Variants in UGT1A8 observed in about 807,000 individuals in gnomAD.
UGT1A8 encodes the protein UDP glucuronosyltransferase family 1 member A8, also known as UDP-glucuronosyltransferase 1A8.
In UGT1A8, 39 loss-of-function variants were observed where a neutral mutation model predicts 45.3. That is an observed-to-expected ratio of 0.86 (90% CI 0.67 to 1.12). The LOEUF (loss-of-function observed/expected upper bound fraction) is 1.12. Ranked by LOEUF, UGT1A8 falls within the 50% of genes most tolerant of loss-of-function variation. The probability of loss-of-function intolerance (pLI) is 0.00; values close to 1 mark genes in which losing one functional copy is unlikely to be tolerated. For synonymous variants in UGT1A8, 275 were observed against 249.2 expected, an observed-to-expected ratio of 1.10 and a Z score of -0.97; for missense variants, 719 against 664.9, an observed-to-expected ratio of 1.08 and a Z score of -0.90.
intron 1 of UGT1A8, chr2:233,713,821 G>C: frequency 1.2e-6 from 2 of 1,614,060 alleles, no homozygotes; most frequent in Non-Finnish European, 1.7e-6. Flanking sequence ...GTCTTCATTG[G>C]GGGCATCAAC....
intron 1 of UGT1A8, chr2:233,713,939 T>G: frequency 6.2e-7 from 1 of 1,610,264 alleles, no homozygotes; most frequent in Non-Finnish European, 8.5e-7. Context: ...AGTGCTTCCA[T>G]ATCTACTTAT....
chr2:233,767,666 C>T (rs143192680), intron 2 of UGT1A8, among the ~76,000 whole-genome samples, 183 bp from the exon 3 acceptor site: 1 of 152,190 alleles, frequency 6.6e-6, no homozygotes, highest in East Asian at 1.9e-4. Flanking sequence ...ACCCTTGTAA[C>T]TAAACCTCCA....
chr2:233,679,187 T>C (rs1239958133), intron 1 of UGT1A8, among the ~76,000 whole-genome samples: 3 of 152,200 alleles, frequency 2.0e-5, no homozygotes, highest in Admixed American at 6.5e-5. Context: ...TTTTGACACC[T>C]TCAGTGTTGA....
At chr2:233,651,182 T>C (rs2073730387) in intron 1 of UGT1A8, among the ~76,000 whole-genome samples, 1 of 152,156 alleles carries the variant, frequency 6.6e-6, no homozygotes, top group Admixed American at 6.5e-5. Context: ...TTTACCCTCC[T>C]TCAGTTACAG....
chr2:233,672,835 A>G, intron 1 of UGT1A8: 2 of 1,557,124 alleles, frequency 1.3e-6, no homozygotes, highest in Non-Finnish European at 1.7e-6. Context: ...TCACCTTTGG[A>G]AATTAAAAAA....
intron 1 of UGT1A8, among the ~76,000 whole-genome samples, chr2:233,732,961 T>G (rs2078342665): frequency 6.6e-6 from 1 of 152,188 alleles, no homozygotes; most frequent in Non-Finnish European, 1.5e-5. Context: ...GTTCTTCCAT[T>G]TGTTTGTGTC....
In UGT1A8 at chr2:233,772,428, G is replaced by A. The variant is rs747543462; in HGVS notation, c.1462G>A (p.Val488Met). The change falls in exon 5 of 5, where the codon GTG becomes ATG. Residue 488 changes from valine (V) to methionine (M), a missense_variant. Coordinates refer to ENST00000373450, the MANE Select transcript of UGT1A8 (RefSeq NM_019076.5). ...CTGGTACCAGTACCATTCCTTGGAC[G>A]TGATTGGTTTCCTCTTGGCCGTCGT... The part of the protein sequence containing the change: ...LTWYQYHSLD[V>M]IGFLLAVVLT... 9 of 1,614,096 alleles carry A rather than the reference G, an allele frequency of 5.6e-6. No homozygotes were observed. The highest frequency in any genetic ancestry group is 3.3e-5 in the Admixed American group (2 of 60,006).
intron 1 of UGT1A8, chr2:233,648,799 C>T: frequency 1.1e-6 from 1 of 930,530 alleles, no homozygotes; most frequent in East Asian, 3.8e-5. Context: ...AGTAAGGAAC[C>T]ACATCTTCTA....
intron 1 of UGT1A8, among the ~76,000 whole-genome samples, chr2:233,634,563 T>C (rs554150833): frequency 7.2e-5 from 11 of 152,356 alleles, no homozygotes; most frequent in African/African-American, 2.4e-4. Context: ...TATAATGCCC[T>C]TCTTTGTCTT....
At position 233,718,952 on chromosome 2, in the gene UGT1A8, G is replaced by A. The variant is rs773069421; in HGVS notation, c.856-48082G>A. The stretch of plus-strand genomic sequence containing the variant: ...CTGATGGCAGCCCCTGGCTCAGCAT[G>A]CGGGAGGCCTTGCGGGAGCTCCATG... On this transcript the variant is annotated intron_variant, in intron 1 of 4. Transcript: ENST00000373450. 25 of 1,614,082 alleles carry A rather than the reference G, an allele frequency of 1.5e-5. No homozygotes were observed. In the Admixed American group the frequency reaches 2.2e-4, roughly 14 times the overall value.
chr2:233,711,832 G>A (rs536118368), intron 1 of UGT1A8, among the ~76,000 whole-genome samples: 12 of 152,322 alleles, frequency 7.9e-5, no homozygotes, highest in Non-Finnish European at 1.8e-4. Context: ...AGGACAAGGA[G>A]GCGTCAGCAA....
intron 1 of UGT1A8, among the ~76,000 whole-genome samples, chr2:233,633,423 G>A (rs2073226109): frequency 6.6e-6 from 1 of 152,198 alleles, no homozygotes; most frequent in African/African-American, 2.4e-5. Context: ...GAGTTCGGCT[G>A]TGAACTCATC....
chr2:233,680,731 T>C (rs188576651), intron 1 of UGT1A8, among the ~76,000 whole-genome samples: 1 of 151,888 alleles, frequency 6.6e-6, no homozygotes, highest in African/African-American at 2.4e-5. Context: ...GGGTGCTCGG[T>C]AGAATGGAGG....
intron 1 of UGT1A8, chr2:233,717,743 G>A (rs182116418): frequency 2.2e-6 from 1 of 456,536 alleles, no homozygotes; most frequent in East Asian, 6.9e-5. Flanking sequence ...AGTGCTCAGG[G>A]TCTCCCCCTA....
At chr2:233,660,588 C>T (rs2073942708) in intron 1 of UGT1A8, among the ~76,000 whole-genome samples, 1 of 152,180 alleles carries the variant, frequency 6.6e-6, no homozygotes, top group Non-Finnish European at 1.5e-5. Flanking sequence ...TATTTTTTCC[C>T]TTAAAGGCTC....
chr2:233,767,753 C>G, intron 2 of UGT1A8, 96 bp from the exon 3 acceptor site: 1 of 1,599,056 alleles, frequency 6.3e-7, no homozygotes, highest in Non-Finnish European at 8.5e-7. Context: ...AAGACTGTTC[C>G]TTCAGAGGAC....
At chr2:233,719,137 T>G (rs1197566998) in intron 1 of UGT1A8, 1 of 1,614,254 alleles carries the variant, frequency 6.2e-7, no homozygotes, top group Non-Finnish European at 8.5e-7. Context: ...ACAGAACATC[T>G]TCTGAAGAGA....
intron 1 of UGT1A8, among the ~76,000 whole-genome samples, chr2:233,700,715 T>C (rs988984711): frequency 6.6e-6 from 1 of 152,182 alleles, no homozygotes; most frequent in Admixed American, 6.5e-5. Flanking sequence ...TTTTTTTCTT[T>C]TTTTAAAAAT....
chr2:233,747,124 G>A, intron 1 of UGT1A8: 2 of 1,489,224 alleles, frequency 1.3e-6, no homozygotes, highest in Non-Finnish European at 1.8e-6. Flanking sequence ...TTTGCTAAGT[G>A]GCTCAGTGAC....
Sources: allele counts gnomAD v4.1 joint callset (sites outside exome capture counted in the v4.1 genomes callset), GRCh38; gene constraint gnomAD v4.1.1; transcripts MANE v1.5; gene names NCBI Gene and HGNC (gene_info 2026-07-23, HGNC 2026-07-21).